The following UBE2E2 variants were observed in gnomAD, a reference collection of about 807,000 sequenced individuals.
UBE2E2 encodes ubiquitin conjugating enzyme E2 E2, also known as ubiquitin-conjugating enzyme E2 E2.
A neutral mutation model predicts 24.7 loss-of-function variants in UBE2E2; 6 were observed. That is an observed-to-expected ratio of 0.24 (90% CI 0.13 to 0.48). The LOEUF (loss-of-function observed/expected upper bound fraction) is 0.48. Among genes scored for constraint, UBE2E2 ranks in the 20% least tolerant of loss-of-function variants. The pLI is 0.99. For synonymous variants in UBE2E2, 104 were observed against 83.6 expected (o/e 1.24, Z -1.33); for missense variants, 169 against 245.0 (o/e 0.69, Z 2.07).
intron 3 of UBE2E2, among the ~76,000 whole-genome samples, chr3:23,425,721 C>T (rs149550577): frequency 7.9e-5 from 12 of 152,054 alleles, no homozygotes; most frequent in African/African-American, 1.9e-4. Flanking sequence ...TTAGGGGTGA[C>T]GAGTCATGAG....
intron 3 of UBE2E2, among the ~76,000 whole-genome samples, chr3:23,351,977 T>A (rs1293726311): frequency 1.4e-4 from 21 of 152,074 alleles, no homozygotes; most frequent in Non-Finnish European, 2.9e-5. Context: ...GACCACATAA[T>A]TGGAAGTAAA....
At chr3:23,458,107 G>A (rs1432644408) in intron 3 of UBE2E2, among the ~76,000 whole-genome samples, 1 of 152,118 alleles carries the variant, frequency 6.6e-6, no homozygotes, top group African/African-American at 2.4e-5. Flanking sequence ...TGTCAGCATG[G>A]CTTCTTCATA....
chr3:23,294,654 TTTA>T (rs945765794), intron 3 of UBE2E2, among the ~76,000 whole-genome samples: 26 of 144,850 alleles, frequency 1.8e-4, no homozygotes, highest in African/African-American at 4.9e-4. Context: ...GATTATTTTA[TTTA>T]TTATTTTAAA....
intron 3 of UBE2E2, among the ~76,000 whole-genome samples, chr3:23,297,420 C>T (rs76237828): frequency 0.76 from 115,719 of 151,542 alleles, 44,521 homozygotes; most frequent in African/African-American, 0.84. Flanking sequence ...CTAGCTTTTC[C>T]TCTAGGGTTT....
intron 3 of UBE2E2, among the ~76,000 whole-genome samples, chr3:23,265,974 C>T (rs1296042901): frequency 2.0e-5 from 3 of 152,090 alleles, no homozygotes; most frequent in Admixed American, 6.6e-5. Flanking sequence ...GCAACCCCTG[C>T]GTTTTTTTGT....
chr3:23,335,096 C>G (rs1230406113), intron 3 of UBE2E2, among the ~76,000 whole-genome samples: 2 of 152,162 alleles, frequency 1.3e-5, no homozygotes, highest in Non-Finnish European at 2.9e-5. Flanking sequence ...GATTTCCAGG[C>G]ATCTTAATTC....
At chr3:23,382,554 T>C (rs1277174926) in intron 3 of UBE2E2, among the ~76,000 whole-genome samples, 1 of 152,220 alleles carries the variant, frequency 6.6e-6, no homozygotes, top group African/African-American at 2.4e-5. Flanking sequence ...GAAGTTGATA[T>C]TCATATTTTA....
At chr3:23,444,425 A>G (rs1353863938) in intron 3 of UBE2E2, among the ~76,000 whole-genome samples, 1 of 152,182 alleles carries the variant, frequency 6.6e-6, no homozygotes, top group Non-Finnish European at 1.5e-5. Context: ...TGGAACTCTT[A>G]CATGTCCACT....
intron 3 of UBE2E2, among the ~76,000 whole-genome samples, chr3:23,350,199 C>G (rs1240327923): frequency 6.6e-6 from 1 of 152,196 alleles, no homozygotes; most frequent in Non-Finnish European, 1.5e-5. Flanking sequence ...GGAAAACTAA[C>G]AAACAGAAGG....
chr3:23,390,932 T>C (rs577231205), intron 3 of UBE2E2, among the ~76,000 whole-genome samples: 17 of 152,348 alleles, frequency 1.1e-4, no homozygotes, highest in African/African-American at 4.1e-4. Context: ...TCAATTTGAA[T>C]AAATAAGTAA....
At chr3:23,368,131 A>G (rs917311157) in intron 3 of UBE2E2, among the ~76,000 whole-genome samples, 1 of 152,132 alleles carries the variant, frequency 6.6e-6, no homozygotes, top group Non-Finnish European at 1.5e-5. Flanking sequence ...AGTATACATC[A>G]ATATTTTTTA....
At chr3:23,398,751 G>A (rs1697141808) in intron 3 of UBE2E2, among the ~76,000 whole-genome samples, 1 of 152,134 alleles carries the variant, frequency 6.6e-6, no homozygotes, top group African/African-American at 2.4e-5. Context: ...GGAAGACAGG[G>A]TTTTATAGCA....
intron 3 of UBE2E2, among the ~76,000 whole-genome samples, chr3:23,389,129 A>G (rs536236286): frequency 4.6e-5 from 7 of 152,312 alleles, no homozygotes; most frequent in African/African-American, 1.4e-4. Context: ...TGATATGAAG[A>G]CGCTTACCTC....
chr3:23,212,037 G>A (rs1220930157), intron 2 of UBE2E2, among the ~76,000 whole-genome samples: 5 of 152,142 alleles, frequency 3.3e-5, no homozygotes, highest in Admixed American at 6.5e-5. Context: ...TTGCACGTAG[G>A]TGCTCAGTTA....
chr3:23,286,028 CT>C (rs1032126936), intron 3 of UBE2E2, among the ~76,000 whole-genome samples: 3 of 151,900 alleles, frequency 2.0e-5, no homozygotes, highest in Non-Finnish European at 2.9e-5. Context: ...GATGATTAAG[CT>C]TTTTTTTATT....
chr3:23,455,329 A>G (rs1403253904), intron 3 of UBE2E2, among the ~76,000 whole-genome samples: 1 of 152,206 alleles, frequency 6.6e-6, no homozygotes, highest in Non-Finnish European at 1.5e-5. Context: ...TTGGTTTCCC[A>G]GTGCATCCAA....
intron 3 of UBE2E2, among the ~76,000 whole-genome samples, chr3:23,465,547 G>C (rs572037349): frequency 3.0e-4 from 45 of 152,300 alleles, no homozygotes; most frequent in African/African-American, 9.4e-4. Flanking sequence ...GCCTCTCAGA[G>C]ACCACCAGTG....
At chr3:23,419,943 CA>C (rs1386422296) in intron 3 of UBE2E2, among the ~76,000 whole-genome samples, 1 of 152,148 alleles carries the variant, frequency 6.6e-6, no homozygotes, top group East Asian at 1.9e-4. Flanking sequence ...TCAAAACCAG[CA>C]GTTACTACTG....
chr3:23,423,240 A>C (rs1447766154), intron 3 of UBE2E2, among the ~76,000 whole-genome samples: 1 of 152,218 alleles, frequency 6.6e-6, no homozygotes, highest in Non-Finnish European at 1.5e-5. Context: ...TAGTGCTTTA[A>C]CTAAAGCTAG....
Sources: gnomAD v4.1 joint callset for allele counts (sites outside exome capture counted in the v4.1 genomes callset) on GRCh38, gnomAD v4.1.1 for gene constraint, MANE v1.5 for transcripts, NCBI Gene and HGNC (gene_info 2026-07-23, HGNC 2026-07-21) for gene names.